The following SENP7 variants were observed in gnomAD, a reference collection of about 807,000 sequenced individuals.
The protein encoded by SENP7 is sentrin-specific protease 7.
SENP7 carries 64 observed loss-of-function variants against 141.2 expected under a neutral mutation model. The ratio of observed to expected loss-of-function variants is 0.45; its 90% CI spans 0.37 to 0.56. SENP7 has a LOEUF of 0.56. Among genes scored for constraint, SENP7 ranks in the 20% least tolerant of loss-of-function variants. SENP7 has a pLI of 0.00. For missense variants in SENP7, 1,025 were observed against 1,212.2 expected (o/e 0.85, Z 2.29); for synonymous variants, 382 against 426.4 (o/e 0.90, Z 1.28).
chr3:101,424,853 A>C (rs879701167), intron 4 of SENP7, among the ~76,000 whole-genome samples: 2 of 152,156 alleles, frequency 1.3e-5, no homozygotes. Flanking sequence ...GTTCCCACCC[A>C]AATCTCATCT....
At chr3:101,365,020 GTTTA>G (rs199932025) in intron 9 of SENP7, 29 bp from the exon 10 acceptor site, 303 of 1,308,130 alleles carry the variant, frequency 2.3e-4, no homozygotes, top group African/African-American at 1.1e-3. Flanking sequence ...ATGTATTTTT[GTTTA>G]TTTATTTATT....
chr3:101,340,247 T>C lies in SENP7; in HGVS notation c.2241-36A>G, dbSNP rs367570010. On this transcript the variant is annotated intron_variant, in intron 15 of 23. Coordinates refer to ENST00000394095, the MANE Select transcript of SENP7 (RefSeq NM_020654.5). ...AAAATAAAGTTAACATATACTGATA[T>C]TGAAAATCCTATTATCTAAGAGATT... is the stretch of plus-strand genomic sequence containing the variant. 13 of 1,541,226 alleles carry C rather than the reference T, an allele frequency of 8.4e-6. No individual in the cohort carries two copies. The African/African-American group carries it at 9.9e-5, about 12-fold the overall frequency.
At chr3:101,410,156 T>C (rs2061414130) in intron 5 of SENP7, among the ~76,000 whole-genome samples, 1 of 152,040 alleles carries the variant, frequency 6.6e-6, no homozygotes, top group African/African-American at 2.4e-5. Flanking sequence ...AAAGAAGATA[T>C]ACAAATGGCC....
chr3:101,416,773 G>A (rs1008697455), intron 5 of SENP7, among the ~76,000 whole-genome samples: 6 of 152,126 alleles, frequency 3.9e-5, no homozygotes, highest in African/African-American at 1.4e-4. Flanking sequence ...AAATAACTGT[G>A]TTGAAAGTTA....
At chr3:101,363,987 G>C (rs1403681443) in intron 10 of SENP7, among the ~76,000 whole-genome samples, 1 of 152,182 alleles carries the variant, frequency 6.6e-6, no homozygotes, top group Non-Finnish European at 1.5e-5. Context: ...GGAGGTGGAG[G>C]TAGGAGGATT....
intron 6 of SENP7, among the ~76,000 whole-genome samples, chr3:101,381,289 C>A (rs1204772193): frequency 2.0e-5 from 3 of 152,114 alleles, no homozygotes; most frequent in Non-Finnish European, 4.4e-5. Flanking sequence ...CACTTAATCT[C>A]TTTGAACCTC....
At chr3:101,365,634 C>CAAA (rs1010380283) in intron 9 of SENP7, among the ~76,000 whole-genome samples, 36 of 62,040 alleles carry the variant, frequency 5.8e-4, no homozygotes, top group East Asian at 1.6e-3. Context: ...GACTCTGTCT[C>CAAA]AAAAAAAAAA....
At position 101,459,005 on chromosome 3, in the gene SENP7, A is replaced by G. The variant is rs2063456774; in HGVS notation, c.234T>C (p.Asn78=). The part of the protein sequence containing the change: ...RNKVISLDHK[N]KKHIRGCPVT... Reference sequence around the variant, plus strand: ...CAGGACACCCTCGGATATGTTTTTTATTTTTATGGTCTAGAGAGATGACTT... The same window carrying G: ...CAGGACACCCTCGGATATGTTTTTTGTTTTTATGGTCTAGAGAGATGACTT... The change falls in exon 4 of 24, where the codon AAT becomes AAC. Residue 78 remains asparagine, a synonymous_variant. Coordinates refer to ENST00000394095, the MANE Select transcript of SENP7 (RefSeq NM_020654.5). 1.9e-6 allele frequency: 3 copies of G among 1,610,080 alleles called. No homozygotes were observed. Among genetic ancestry groups the G allele is most frequent in the Non-Finnish European group, 2.5e-6 (3 of 1,177,420 alleles).
At chr3:101,463,400 T>TATATATATATATATATATATATAC (rs769567759) in intron 3 of SENP7, among the ~76,000 whole-genome samples, 3 of 77,988 alleles carry the variant, frequency 3.8e-5, no homozygotes, top group African/African-American at 1.5e-4. Flanking sequence ...TATATATACA[T>TATATATATATATATATATATATAC]ATATATATAT....
chr3:101,337,568 A>G lies in SENP7; in HGVS notation c.2421T>C (p.Phe807=), dbSNP rs2059219036. 1 of 1,590,078 alleles carries G rather than the reference A, an allele frequency of 6.3e-7. No individual in the cohort carries two copies. Among genetic ancestry groups the G allele is most frequent in the East Asian group, 2.2e-5 (1 of 44,530 alleles). ...LVERSHIFSS[F]FYKCLTRKEN... is the part of the protein sequence containing the mutation. ...CCTTTCTTGTCAAGCATTTATAGAAAAAGCTACTAAAAATGTGACTTCGTT... is the reference window on the plus strand; with the variant it reads ...CCTTTCTTGTCAAGCATTTATAGAAGAAGCTACTAAAAATGTGACTTCGTT... The change falls in exon 17 of 24, where the codon TTT becomes TTC. Residue 807 remains phenylalanine, a synonymous_variant. Coordinates refer to ENST00000394095, the MANE Select transcript of SENP7 (RefSeq NM_020654.5).
chr3:101,409,949 C>T (rs2061407996), intron 5 of SENP7, among the ~76,000 whole-genome samples: 1 of 152,132 alleles, frequency 6.6e-6, no homozygotes. Context: ...GTTAACTGAA[C>T]TAAAGAGCTT....
At chr3:101,338,757 T>C (rs1251561284) in intron 16 of SENP7, among the ~76,000 whole-genome samples, 1 of 152,178 alleles carries the variant, frequency 6.6e-6, no homozygotes, top group Admixed American at 6.5e-5. Context: ...ATGGTGCCTG[T>C]TCCTATCAGC....
intron 14 of SENP7, 56 bp from the exon 15 acceptor site, chr3:101,341,835 A>C: frequency 6.6e-7 from 1 of 1,507,844 alleles, no homozygotes; most frequent in Non-Finnish European, 9.0e-7. Context: ...CAAAAGAACA[A>C]AGTCAAAACG....
chr3:101,501,728 T>C (rs1405774328), intron 1 of SENP7, among the ~76,000 whole-genome samples: 2 of 152,162 alleles, frequency 1.3e-5, no homozygotes, highest in Non-Finnish European at 2.9e-5. Context: ...TACAGTATAG[T>C]GGGCAAATTA....
chr3:101,431,785 A>T (rs1221146947), intron 4 of SENP7, among the ~76,000 whole-genome samples: 6 of 151,628 alleles, frequency 4.0e-5, no homozygotes, highest in Non-Finnish European at 5.9e-5. Context: ...CTTCGTCTCA[A>T]AAAAAATCAT....
intron 4 of SENP7, among the ~76,000 whole-genome samples, chr3:101,427,818 G>GTCC (rs1336821083): frequency 6.6e-6 from 1 of 151,938 alleles, no homozygotes; most frequent in Non-Finnish European, 1.5e-5. Flanking sequence ...TTTACATTAG[G>GTCC]TATTTCTCCT....
chr3:101,333,674 A>T (rs191553348), intron 17 of SENP7, among the ~76,000 whole-genome samples: 1 of 152,298 alleles, frequency 6.6e-6, no homozygotes, highest in Non-Finnish European at 1.5e-5. Flanking sequence ...AAATGTACCT[A>T]CCACTCATCC....
intron 6 of SENP7, among the ~76,000 whole-genome samples, chr3:101,380,649 A>AAG (rs2060476582): frequency 6.6e-6 from 1 of 151,806 alleles, no homozygotes; most frequent in Non-Finnish European, 1.5e-5. Flanking sequence ...AAAAAAAAAA[A>AAG]AAATACAAGA....
chr3:101,422,388 A>T (rs1047687367), intron 4 of SENP7, among the ~76,000 whole-genome samples: 6 of 152,170 alleles, frequency 3.9e-5, no homozygotes, highest in Non-Finnish European at 7.4e-5. Flanking sequence ...TCTGTTTTGT[A>T]CCTCAGTGGT....
Sources: gnomAD v4.1 joint callset for allele counts (sites outside exome capture counted in the v4.1 genomes callset) on GRCh38, gnomAD v4.1.1 for gene constraint, MANE v1.5 for transcripts, NCBI Gene and HGNC (gene_info 2026-07-23, HGNC 2026-07-21) for gene names.